PIGN: variants seen among roughly 807,000 people sequenced by gnomAD.
PIGN encodes the protein phosphatidylinositol glycan anchor biosynthesis class N.
In PIGN, 117 loss-of-function variants were observed where a neutral mutation model predicts 125.4. The observed-to-expected ratio is 0.93, with a 90% CI of 0.80 to 1.09. PIGN has a LOEUF of 1.09. PIGN is among the 50% of genes least tolerant of loss of function. The probability of loss-of-function intolerance (pLI) is 0.00; values close to 1 mark genes in which losing one functional copy is unlikely to be tolerated. For missense variants in PIGN, 1,075 were observed against 1,094.9 expected (o/e 0.98, Z 0.26); for synonymous variants, 392 against 377.8 (o/e 1.04, Z -0.44).
chr18:62,098,475 C>T (rs991124965), intron 22 of PIGN, among the ~76,000 whole-genome samples: 1 of 152,158 alleles, frequency 6.6e-6, no homozygotes, highest in South Asian at 2.1e-4. Flanking sequence ...CAAATGAGAC[C>T]TCTTCTGTAA....
intron 6 of PIGN, among the ~76,000 whole-genome samples, chr18:62,156,454 C>T (rs2036737338): frequency 6.6e-6 from 1 of 152,092 alleles, no homozygotes; most frequent in African/African-American, 2.4e-5. Flanking sequence ...CCTCAGCCAC[C>T]TGAGTAGTTG....
intron 28 of PIGN, chr18:62,075,574 A>C (rs2033128518): frequency 6.6e-6 from 1 of 152,168 alleles, no homozygotes; most frequent in African/African-American, 2.4e-5. Flanking sequence ...ACAATGGTTT[A>C]CTTAACCATT....
At chr18:62,170,389 T>C (rs2037309008) in intron 1 of PIGN, among the ~76,000 whole-genome samples, 1 of 152,222 alleles carries the variant, frequency 6.6e-6, no homozygotes, top group African/African-American at 2.4e-5. Flanking sequence ...GTGTCATATT[T>C]TGTAATTCTT....
intron 1 of PIGN, among the ~76,000 whole-genome samples, chr18:62,167,146 G>A (rs111500294): frequency 0.012 from 1,765 of 151,428 alleles, 24 homozygotes; most frequent in East Asian, 0.05. Flanking sequence ...CTGACACCTC[G>A]TTCTCTCCCG....
At chr18:62,056,656 T>C (rs2031750462) in intron 30 of PIGN, 2 of 152,370 alleles carry the variant, frequency 1.3e-5, no homozygotes, top group Admixed American at 6.5e-5. Context: ...CCACTTCTAG[T>C]TTGGATTTCA....
chr18:62,067,753 T>C (rs995505880), intron 30 of PIGN, among the ~76,000 whole-genome samples: 1 of 152,208 alleles, frequency 6.6e-6, no homozygotes, highest in Non-Finnish European at 1.5e-5. Context: ...GTTTCAAGAT[T>C]TTGGTTCTTA....
At chr18:62,142,885 T>C (rs1216881162) in intron 11 of PIGN, among the ~76,000 whole-genome samples, 2 of 152,178 alleles carry the variant, frequency 1.3e-5, no homozygotes, top group Non-Finnish European at 2.9e-5. Context: ...ATTGCATTTG[T>C]AAGGTTGCTG....
intron 9 of PIGN, among the ~76,000 whole-genome samples, chr18:62,146,723 T>G (rs969351523): frequency 1.3e-5 from 2 of 152,200 alleles, no homozygotes; most frequent in Admixed American, 6.5e-5. Flanking sequence ...AATAGCTACT[T>G]TTTATTTTCT....
At chr18:62,112,420 T>G (rs977546005) in intron 16 of PIGN, 1 of 152,100 alleles carries the variant, frequency 6.6e-6, no homozygotes, top group Non-Finnish European at 1.5e-5. Flanking sequence ...GCAAAGGAAA[T>G]GAAAGTGGCA....
intron 20 of PIGN, among the ~76,000 whole-genome samples, chr18:62,104,320 A>G (rs568675354): frequency 2.6e-4 from 39 of 152,294 alleles, no homozygotes; most frequent in African/African-American, 7.9e-4. Context: ...TTAGCATATG[A>G]TAAATTCTGC....
intron 1 of PIGN, among the ~76,000 whole-genome samples, chr18:62,182,578 A>G (rs2148003722): frequency 6.6e-6 from 1 of 152,332 alleles, no homozygotes; most frequent in Non-Finnish European, 1.5e-5. Flanking sequence ...TTTAAGATGT[A>G]TACCATCTCT....
chr18:62,071,717 C>A (rs542938109), intron 30 of PIGN, among the ~76,000 whole-genome samples: 92 of 151,818 alleles, frequency 6.1e-4, no homozygotes, highest in Non-Finnish European at 1.1e-3. Context: ...TGTGAACAAA[C>A]CTACTGCACT....
intron 28 of PIGN, among the ~76,000 whole-genome samples, chr18:62,077,431 A>G (rs1273877826): frequency 6.6e-6 from 1 of 152,186 alleles, no homozygotes; most frequent in Non-Finnish European, 1.5e-5. Flanking sequence ...TACCTTTTTT[A>G]AAAAGTTTTG....
intron 23 of PIGN, among the ~76,000 whole-genome samples, chr18:62,024,035 A>G (rs918551129): frequency 7.9e-5 from 12 of 152,184 alleles, no homozygotes; most frequent in Non-Finnish European, 1.2e-4. Flanking sequence ...AGGATGCCCT[A>G]TTTTCTACTG....
intron 29 of PIGN, 22 bp downstream of exon 29, chr18:62,074,756 TG>T: frequency 6.7e-7 from 1 of 1,490,390 alleles, no homozygotes; most frequent in Non-Finnish European, 9.3e-7. Context: ...CTAATTTATA[TG>T]GACTACCCAG....
At chr18:62,084,391 A>G in intron 27 of PIGN, 140 bp downstream of exon 27, 3 of 572,940 alleles carry the variant, frequency 5.2e-6, no homozygotes, top group Middle Eastern at 9.5e-4. Context: ...GGAGTAAGGG[A>G]TAGAGGGTCT....
At chr18:62,169,419 G>A (rs529639797) in intron 1 of PIGN, among the ~76,000 whole-genome samples, 2 of 152,090 alleles carry the variant, frequency 1.3e-5, no homozygotes, top group East Asian at 1.9e-4. Context: ...GAAGAATCAC[G>A]TAACAGCTTA....
intron 1 of PIGN, among the ~76,000 whole-genome samples, chr18:62,174,741 CATT>C (rs1696166015): frequency 6.6e-6 from 1 of 151,866 alleles, no homozygotes; most frequent in Admixed American, 6.6e-5. Flanking sequence ...AATGCTAATG[CATT>C]ATTTTTAAAA....
chr18:62,075,638 T>C (rs1568146968), intron 28 of PIGN: 2 of 152,216 alleles, frequency 1.3e-5, no homozygotes, highest in South Asian at 2.1e-4. Flanking sequence ...TGTTCCAGTT[T>C]GTGGCTCTTA....
Sources: allele counts gnomAD v4.1 joint callset (sites outside exome capture counted in the v4.1 genomes callset), GRCh38; gene constraint gnomAD v4.1.1; transcripts MANE v1.5; gene names NCBI Gene and HGNC (gene_info 2026-07-23, HGNC 2026-07-21).